The following EPM2A variants were observed in gnomAD, a reference collection of about 807,000 sequenced individuals.
EPM2A encodes the protein laforin.
EPM2A carries 21 observed loss-of-function variants against 26.5 expected under a neutral mutation model. The observed-to-expected ratio is 0.79, with a 90% CI of 0.56 to 1.14. EPM2A has a LOEUF of 1.14. Among genes scored for constraint, EPM2A ranks in the 50% most tolerant of loss-of-function variants. The pLI, the probability that EPM2A is intolerant of heterozygous loss-of-function variation, is 0.00. For missense variants in EPM2A, 458 were observed against 440.8 expected (o/e 1.04, Z -0.35); for synonymous variants, 217 against 177.6 (o/e 1.22, Z -1.76).
chr6:145,629,217 C>G (rs1432935080), intron 3 of EPM2A: 2 of 152,418 alleles, frequency 1.3e-5, no homozygotes, highest in Non-Finnish European at 2.9e-5. Context: ...CTTCTCTGGC[C>G]TGTTGCCATA....
intron 2 of EPM2A, among the ~76,000 whole-genome samples, chr6:145,528,952 C>T (rs141618166): frequency 1.1e-3 from 166 of 152,128 alleles, no homozygotes; most frequent in African/African-American, 3.8e-3. Context: ...TAATTCCAAC[C>T]ATCATGGATA....
chr6:145,702,622 C>T (rs1229006783), intron 1 of EPM2A, among the ~76,000 whole-genome samples: 1 of 152,204 alleles, frequency 6.6e-6, no homozygotes, highest in East Asian at 1.9e-4. Flanking sequence ...TTACCTTACA[C>T]CTCTTCCAGT....
At chr6:145,455,561 T>C (rs1779253250) in intron 4 of EPM2A, among the ~76,000 whole-genome samples, 1 of 152,172 alleles carries the variant, frequency 6.6e-6, no homozygotes, top group African/African-American at 2.4e-5. Context: ...TTTCACCATG[T>C]TGGCCAGGCT....
intron 4 of EPM2A, among the ~76,000 whole-genome samples, chr6:145,405,585 T>G (rs971307930): frequency 1.3e-5 from 2 of 152,164 alleles, no homozygotes; most frequent in Non-Finnish European, 2.9e-5. Context: ...CTTTTCTAAA[T>G]TTTAAAAAAT....
intron 4 of EPM2A, among the ~76,000 whole-genome samples, chr6:145,443,310 T>C (rs1208114172): frequency 6.6e-6 from 1 of 152,230 alleles, no homozygotes; most frequent in Non-Finnish European, 1.5e-5. Context: ...AATCCAGAAA[T>C]TGCTTTGGGC....
chr6:145,486,945 C>T (rs1779685822), intron 4 of EPM2A, among the ~76,000 whole-genome samples: 1 of 152,154 alleles, frequency 6.6e-6, no homozygotes, highest in Non-Finnish European at 1.5e-5. Flanking sequence ...TCATCACCCT[C>T]TTATTAAGCC....
intron 2 of EPM2A, among the ~76,000 whole-genome samples, chr6:145,661,303 T>A (rs537305191): frequency 1.3e-5 from 2 of 152,238 alleles, no homozygotes; most frequent in East Asian, 3.8e-4. Flanking sequence ...GGTGCATTAC[T>A]GTATAGAATC....
chr6:145,544,912 G>A (rs1449235721), intron 2 of EPM2A, among the ~76,000 whole-genome samples: 2 of 152,144 alleles, frequency 1.3e-5, no homozygotes. Context: ...AAAATGACAT[G>A]TATCACTTGA....
chr6:145,438,910 C>A (rs559569547), intron 4 of EPM2A, among the ~76,000 whole-genome samples: 2 of 69,362 alleles, frequency 2.9e-5, no homozygotes, highest in Admixed American at 1.5e-4. Context: ...AGCATAGTAC[C>A]CAATAGTTTT....
At position 145,574,164 on chromosome 6, in the gene EPM2A, C is replaced by T. The variant is rs1010347835; in HGVS notation, c.340+61081G>A. ...TCAACTCTTGAAATTGATTGAGGGG[C>T]CATGATTCTCTGATTTTATAATTCA... On this transcript the variant is annotated intron_variant, in intron 2 of 3. Transcript: ENST00000450221. Among the ~76,000 whole-genome samples the T allele has an allele frequency of 3.3e-5, 5 of 152,208 alleles. No homozygotes were observed. The South Asian group carries it at 8.3e-4, about 25-fold the overall frequency.
chr6:145,622,376 C>T (rs1935616), downstream of EPM2A, among the ~76,000 whole-genome samples: 70,912 of 151,910 alleles, frequency 0.47, 17,199 homozygotes, highest in African/African-American at 0.58. Context: ...CTCTCTCTAG[C>T]CTTCAGGTAG....
At chr6:145,669,203 A>G (rs1779467357) in intron 2 of EPM2A, among the ~76,000 whole-genome samples, 1 of 150,684 alleles carries the variant, frequency 6.6e-6, no homozygotes. Flanking sequence ...ACTTATCAAA[A>G]CAAGATAACA....
downstream of EPM2A, among the ~76,000 whole-genome samples, chr6:145,501,113 G>A (rs896199470): frequency 6.6e-6 from 1 of 152,116 alleles, no homozygotes; most frequent in African/African-American, 2.4e-5. Flanking sequence ...GGAGAGGAGA[G>A]GACTTTTACA....
chr6:145,672,663 GT>G (rs1779734852), intron 2 of EPM2A, among the ~76,000 whole-genome samples: 1 of 152,246 alleles, frequency 6.6e-6, no homozygotes, highest in Non-Finnish European at 1.5e-5. Flanking sequence ...TCTTGAAAAG[GT>G]TAAAGAAGTC....
intron 2 of EPM2A, chr6:145,637,454 C>A (rs913411982): frequency 6.6e-6 from 1 of 151,950 alleles, no homozygotes; most frequent in African/African-American, 2.4e-5. Flanking sequence ...CCTGCTTCCC[C>A]TGCAGGAGAA....
At chr6:145,400,256 TA>T (rs1407987318) in intron 4 of EPM2A, among the ~76,000 whole-genome samples, 2 of 152,056 alleles carry the variant, frequency 1.3e-5, no homozygotes, top group Non-Finnish European at 2.9e-5. Context: ...AAATGAGAAA[TA>T]AAAACACAAT....
chr6:145,589,580 G>A (rs551910382), intron 2 of EPM2A, among the ~76,000 whole-genome samples: 173 of 152,222 alleles, frequency 1.1e-3, no homozygotes, highest in African/African-American at 4.0e-3. Flanking sequence ...AAAATGGTGA[G>A]TTGAATTAGA....
Position 145,532,738 on chromosome 6 carries a change from C to T in EPM2A, c.341-30163G>A, listed in dbSNP as rs79823148. Among the ~76,000 whole-genome samples the T allele has an allele frequency of 3.8e-3, 586 of 152,238 alleles. 18 individuals carry two copies. In the East Asian group the frequency reaches 0.07, roughly 18 times the overall value. On this transcript the variant is annotated intron_variant, in intron 2 of 3. Coordinates refer to the EPM2A transcript ENST00000450221. ...GGTCAGGGTCTGTGGGACAGACCCC[C>T]GTACTCCACCTCCCTGTATTCTTCA...
intron 4 of EPM2A, among the ~76,000 whole-genome samples, chr6:145,402,894 G>A (rs1176105574): frequency 1.3e-5 from 2 of 152,110 alleles, no homozygotes; most frequent in African/African-American, 2.4e-5. Context: ...GCCTAGAAGT[G>A]AGACGTCTAT....
Sources: gnomAD v4.1 joint callset for allele counts (sites outside exome capture counted in the v4.1 genomes callset) on GRCh38, gnomAD v4.1.1 for gene constraint, MANE v1.5 for transcripts, NCBI Gene and HGNC (gene_info 2026-07-23, HGNC 2026-07-21) for gene names.